Variants in PIK3C2G observed in about 807,000 individuals in gnomAD.
PIK3C2G encodes phosphatidylinositol-4-phosphate 3-kinase catalytic subunit type 2 gamma.
Under a neutral mutation model 181.1 loss-of-function variants are expected in PIK3C2G, and 168 were observed. The ratio of observed to expected loss-of-function variants is 0.93; its 90% CI spans 0.82 to 1.05. The LOEUF is 1.05. Ranked by LOEUF, PIK3C2G falls within the 50% of genes least tolerant of loss-of-function variation. The probability of loss-of-function intolerance (pLI) is 0.00; values close to 1 mark genes in which losing one functional copy is unlikely to be tolerated. For missense variants in PIK3C2G, 1,869 were observed against 1,732.8 expected (o/e 1.08, Z -1.40); for synonymous variants, 573 against 592.2 (o/e 0.97, Z 0.47).
chr12:18,283,551 AAAG>A (rs1412948277), intron 2 of PIK3C2G, among the ~76,000 whole-genome samples: 3 of 152,208 alleles, frequency 2.0e-5, no homozygotes, highest in African/African-American at 7.2e-5. Context: ...GAATGAATGC[AAAG>A]AAGAAAAGAT....
At chr12:18,674,477 A>G in the PIK3C2G span, among the ~76,000 whole-genome samples, 1 of 152,152 alleles carries the variant, frequency 6.6e-6, no homozygotes, top group Non-Finnish European at 1.5e-5. Context: ...CACTCTATGA[A>G]TTTTTTGGAC....
chr12:18,379,874 GGAA>G (rs1194654006), intron 13 of PIK3C2G, among the ~76,000 whole-genome samples: 2 of 152,064 alleles, frequency 1.3e-5, no homozygotes, highest in African/African-American at 4.8e-5. Context: ...TCCCCACCAG[GGAA>G]ACTCTGGAAA....
chr12:18,511,881 A>G (rs1045978516), intron 24 of PIK3C2G, among the ~76,000 whole-genome samples: 1 of 152,080 alleles, frequency 6.6e-6, no homozygotes, highest in African/African-American at 2.4e-5. Context: ...TTATCCAAAA[A>G]AAATTGCTGA....
chr12:18,430,941 G>A (rs1421729795), intron 18 of PIK3C2G, among the ~76,000 whole-genome samples: 1 of 151,872 alleles, frequency 6.6e-6, no homozygotes, highest in Non-Finnish European at 1.5e-5. Context: ...CCAAAAATCT[G>A]TCCATTTTTT....
intron 5 of PIK3C2G, among the ~76,000 whole-genome samples, chr12:18,306,299 A>T (rs1950418720): frequency 6.6e-6 from 1 of 151,996 alleles, no homozygotes; most frequent in Admixed American, 6.6e-5. Flanking sequence ...TATGTCCCAT[A>T]CAGGATTTTT....
the PIK3C2G span, chr12:18,699,755 C>A: frequency 1.3e-6 from 2 of 1,579,106 alleles, no homozygotes; most frequent in East Asian, 2.2e-5. Context: ...GAATCTAACT[C>A]ATTTAAACAT....
chr12:18,279,691 T>C (rs192923962), intron 1 of PIK3C2G, among the ~76,000 whole-genome samples: 151 of 152,126 alleles, frequency 9.9e-4, no homozygotes, highest in African/African-American at 3.4e-3. Context: ...CAATGAAACA[T>C]AGCTTATTCT....
upstream of PIK3C2G, among the ~76,000 whole-genome samples, chr12:18,259,750 G>A (rs1227946166): frequency 4.3e-5 from 2 of 46,952 alleles, no homozygotes; most frequent in East Asian, 3.1e-3. Context: ...AAACTTGCAC[G>A]TAAACATTGA....
chr12:18,419,076 T>C (rs797010529), intron 16 of PIK3C2G, among the ~76,000 whole-genome samples: 14 of 152,266 alleles, frequency 9.2e-5, no homozygotes, highest in African/African-American at 3.4e-4. Context: ...TGAGTTCAGG[T>C]TGAACAGTCT....
chr12:18,376,259 G>A (rs992590638), intron 13 of PIK3C2G, among the ~76,000 whole-genome samples: 6 of 152,184 alleles, frequency 3.9e-5, no homozygotes, highest in African/African-American at 9.7e-5. Flanking sequence ...CATTGTATCC[G>A]TGTGCTTGGA....
intron 18 of PIK3C2G, among the ~76,000 whole-genome samples, chr12:18,436,659 T>C (rs1946466185): frequency 1.3e-5 from 2 of 151,990 alleles, no homozygotes; most frequent in South Asian, 4.1e-4. Context: ...TAATTTACCT[T>C]GACTACTATC....
At chr12:18,403,235 T>C (rs1944351656) in intron 16 of PIK3C2G, among the ~76,000 whole-genome samples, 1 of 152,178 alleles carries the variant, frequency 6.6e-6, no homozygotes, top group Non-Finnish European at 1.5e-5. Flanking sequence ...GGGACTGATT[T>C]TAAAGTAGAA....
intron 22 of PIK3C2G, among the ~76,000 whole-genome samples, chr12:18,502,991 C>T (rs991396752): frequency 1.3e-5 from 2 of 152,180 alleles, no homozygotes; most frequent in African/African-American, 2.4e-5. Context: ...TAATTCACTA[C>T]TCAGTGGGGT....
intron 31 of PIK3C2G, among the ~76,000 whole-genome samples, chr12:18,626,962 G>A (rs904238611): frequency 6.6e-6 from 1 of 151,914 alleles, no homozygotes; most frequent in Non-Finnish European, 1.5e-5. Context: ...CTTTAAATAT[G>A]CTTTGTGACC....
At chr12:18,622,143 T>C (rs978790841) in intron 31 of PIK3C2G, among the ~76,000 whole-genome samples, 1 of 151,926 alleles carries the variant, frequency 6.6e-6, no homozygotes, top group African/African-American at 2.4e-5. Flanking sequence ...TGCTGTGCTA[T>C]TGATCTCAAA....
chr12:18,633,314 A>G (rs1224736057), intron 31 of PIK3C2G, among the ~76,000 whole-genome samples: 1 of 152,264 alleles, frequency 6.6e-6, no homozygotes, highest in Non-Finnish European at 1.5e-5. Flanking sequence ...AAAGAAAACA[A>G]AGATATTTGC....
chr12:18,523,926 C>G (rs1053930784), intron 24 of PIK3C2G, among the ~76,000 whole-genome samples: 14 of 152,216 alleles, frequency 9.2e-5, no homozygotes. Flanking sequence ...GGGAAGCTGT[C>G]TAAGGATTGG....
At chr12:18,448,055 G>A (rs1053913004) in intron 18 of PIK3C2G, among the ~76,000 whole-genome samples, 8 of 151,954 alleles carry the variant, frequency 5.3e-5, no homozygotes, top group African/African-American at 1.9e-4. Flanking sequence ...TGTAAACTAA[G>A]GTCCTAAAAT....
intron 4 of PIK3C2G, among the ~76,000 whole-genome samples, chr12:18,292,954 A>C (rs1198268125): frequency 6.6e-6 from 1 of 152,194 alleles, no homozygotes; most frequent in Non-Finnish European, 1.5e-5. Context: ...CTAACTGTGT[A>C]ATCTCTACAA....
Sources: gnomAD v4.1 joint callset for allele counts (sites outside exome capture counted in the v4.1 genomes callset) on GRCh38, gnomAD v4.1.1 for gene constraint, MANE v1.5 for transcripts, NCBI Gene and HGNC (gene_info 2026-07-23, HGNC 2026-07-21) for gene names.